FHL1: variants seen among roughly 807,000 people sequenced by gnomAD.
The protein encoded by FHL1 is four and a half LIM domains 1.
In FHL1, 1 loss-of-function variant was observed where a neutral mutation model predicts 20.3. The observed-to-expected ratio is 0.05, with a 90% CI of 0.02 to 0.23. FHL1 has a LOEUF of 0.23. FHL1 is among the 10% of genes least tolerant of loss of function. The pLI is 1.00. For synonymous variants in FHL1, 82 were observed against 88.9 expected (o/e 0.92, Z 0.44); for missense variants, 177 against 234.0 (o/e 0.76, Z 1.59).
intron 1 of FHL1, among the ~76,000 whole-genome samples, chrX:136,164,236 T>G (rs1185797490): frequency 9.2e-6 from 1 of 108,285 alleles, no homozygotes; most frequent in East Asian, 2.9e-4. Flanking sequence ...AGACACAGTC[T>G]TGCTCTTTTG....
intron 2 of FHL1, among the ~76,000 whole-genome samples, chrX:136,185,679 CAGAAAA>C (rs1293796984): frequency 8.9e-6 from 1 of 112,075 alleles, no homozygotes; most frequent in Non-Finnish European, 1.9e-5. Context: ...GTGCCCGTTT[CAGAAAA>C]GACTGACCTT....
chrX:136,153,513 C>T (rs1231108508), intron 1 of FHL1, among the ~76,000 whole-genome samples: 5 of 112,034 alleles, frequency 4.5e-5, no homozygotes, highest in Non-Finnish European at 1.9e-5. Context: ...TGTGTATAGA[C>T]AGACATGCAT....
chrX:136,201,307 A>G (rs1464785060), intron 1 of FHL1, among the ~76,000 whole-genome samples: 1 of 112,154 alleles, frequency 8.9e-6, no homozygotes, highest in Non-Finnish European at 1.9e-5. Context: ...CGGGTGTTAT[A>G]TTACTTCTCT....
Position 136,208,580 on chromosome X carries a change from C to T in FHL1, c.675C>T (p.Cys225=). The T allele has an allele frequency of 8.3e-7, 1 of 1,211,249 alleles. No homozygotes were observed. Among genetic ancestry groups the T allele is most frequent in the Non-Finnish European group, 1.1e-6 (1 of 895,203 alleles). ...RFTAVEDQYY[C]VDCYKNFVAK... ...CCGCTGTGGAGGACCAGTATTACTG[C>T]GTGGATTGCTACAAGAACTTTGTGG... is the stretch of plus-strand genomic sequence containing the variant. Residue 225 remains cysteine, a synonymous_variant, in exon 5 of 6, where the codon TGC becomes TGT. Transcript: ENST00000370683.
intron 1 of FHL1, among the ~76,000 whole-genome samples, chrX:136,155,639 T>C (rs983599440): frequency 2.7e-5 from 3 of 111,549 alleles, no homozygotes; most frequent in Non-Finnish European, 5.6e-5. Context: ...ACGTATATTG[T>C]CAGTAAGTGA....
chrX:136,151,537 T>C lies in FHL1; in HGVS notation c.-101+3909T>C, dbSNP rs12687146. On this transcript the variant is annotated intron_variant, in intron 1 of 7. Coordinates refer to the FHL1 transcript ENST00000394155. ...GACCAGTCTGGCCAACATGGCAAAA[T>C]CCTGTCTCTACTAAAAATACAAAGA... Among the ~76,000 whole-genome samples the C allele has an allele frequency of 2.8e-3, 316 of 111,170 alleles. 7 individuals carry two copies. In the East Asian group the frequency reaches 0.074, roughly 26 times the overall value.
intron 2 of FHL1, among the ~76,000 whole-genome samples, chrX:136,181,467 A>G (rs1052209191): frequency 3.6e-5 from 4 of 111,752 alleles, no homozygotes; most frequent in African/African-American, 1.3e-4. Flanking sequence ...AAACTGCTCA[A>G]CCTGGTCTGA....
At chrX:136,178,160 A>G (rs889406469) in intron 2 of FHL1, among the ~76,000 whole-genome samples, 1 of 111,804 alleles carries the variant, frequency 8.9e-6, no homozygotes, top group Non-Finnish European at 1.9e-5. Flanking sequence ...TATCATTGTC[A>G]TCATCATTAT....
intron 2 of FHL1, among the ~76,000 whole-genome samples, chrX:136,181,767 A>G (rs1046579381): frequency 3.6e-5 from 4 of 112,230 alleles, no homozygotes; most frequent in African/African-American, 1.3e-4. Flanking sequence ...CAAAGTTGAA[A>G]TGACTTTGCA....
chrX:136,149,632 A>G (rs2072209977), intron 1 of FHL1, among the ~76,000 whole-genome samples: 1 of 111,899 alleles, frequency 8.9e-6, no homozygotes, highest in Admixed American at 9.5e-5. Context: ...TCAGAAAAGG[A>G]AAATATTTTT....
At chrX:136,154,537 A>C (rs980491038) in intron 1 of FHL1, among the ~76,000 whole-genome samples, 2 of 112,103 alleles carry the variant, frequency 1.8e-5, no homozygotes, top group Non-Finnish European at 3.8e-5. Flanking sequence ...TTGCTCCATG[A>C]AAGTATTTTT....
chrX:136,196,883 G>A (rs1237574536), upstream of FHL1: 1 of 1,157,772 alleles, frequency 8.6e-7, no homozygotes, highest in East Asian at 3.3e-5. Context: ...TGTAGCGTTT[G>A]GTATTTTTAC....
intron 1 of FHL1, among the ~76,000 whole-genome samples, chrX:136,204,025 A>G (rs1056179637): frequency 1.8e-5 from 2 of 112,637 alleles, no homozygotes; most frequent in Non-Finnish European, 3.7e-5. Context: ...TATACTAAAT[A>G]GAGACCTTGG....
upstream of FHL1, among the ~76,000 whole-genome samples, chrX:136,192,359 G>T (rs765545293): frequency 3.6e-5 from 4 of 111,522 alleles, no homozygotes; most frequent in East Asian, 8.5e-4. Flanking sequence ...GAAGGGCACA[G>T]ACTTTGGGGA....
chrX:136,162,134 A>AAAAAC, intron 1 of FHL1, among the ~76,000 whole-genome samples: 1 of 106,946 alleles, frequency 9.4e-6, no homozygotes. Flanking sequence ...AAAAAAAAAA[A>AAAAAC]AAAAAAAAAG....
At chrX:136,158,108 A>G (rs757982848) in intron 1 of FHL1, among the ~76,000 whole-genome samples, 2 of 112,001 alleles carry the variant, frequency 1.8e-5, no homozygotes, top group Non-Finnish European at 3.8e-5. Flanking sequence ...GTGTGTGTAT[A>G]TATGTTTCTG....
chrX:136,197,693 G>T (rs545455611), intron 1 of FHL1, among the ~76,000 whole-genome samples: 2 of 112,681 alleles, frequency 1.8e-5, no homozygotes, highest in African/African-American at 6.4e-5. Context: ...AGAAAAAGGG[G>T]CACATTTTGG....
upstream of FHL1, among the ~76,000 whole-genome samples, chrX:136,165,300 G>C (rs982197664): frequency 8.9e-6 from 1 of 111,880 alleles, no homozygotes; most frequent in African/African-American, 3.2e-5. Context: ...TTATTTTGCC[G>C]AATGAGAGCC....
At chrX:136,183,146 T>C (rs946516403) in intron 2 of FHL1, among the ~76,000 whole-genome samples, 1 of 108,726 alleles carries the variant, frequency 9.2e-6, no homozygotes, top group Non-Finnish European at 1.9e-5. Context: ...AGAAAATATA[T>C]TTTGGGCAGA....
Sources: gnomAD v4.1 joint callset for allele counts (sites outside exome capture counted in the v4.1 genomes callset) on GRCh38, gnomAD v4.1.1 for gene constraint, MANE v1.5 for transcripts, NCBI Gene and HGNC (gene_info 2026-07-23, HGNC 2026-07-21) for gene names.